Variants in KLK3 observed in about 807,000 individuals in gnomAD.
The protein encoded by KLK3 is prostate-specific antigen.
A neutral mutation model predicts 27.7 loss-of-function variants in KLK3; 23 were observed. The ratio of observed to expected loss-of-function variants is 0.83; its 90% CI spans 0.60 to 1.17. KLK3 has a LOEUF of 1.17. KLK3 is among the 50% of genes most tolerant of loss of function. KLK3 has a pLI of 0.00. For synonymous variants in KLK3, 142 were observed against 134.2 expected (o/e 1.06, Z -0.40); for missense variants, 322 against 338.1 (o/e 0.95, Z 0.37).
chr19:50,858,314 G>T lies in KLK3; in HGVS notation c.492G>T (p.Glu164Asp), dbSNP rs763023030. The T allele has an allele frequency of 6.2e-7, 1 of 1,611,664 alleles. No individual in the cohort carries two copies. Among genetic ancestry groups the T allele is most frequent in the Admixed American group, 1.7e-5 (1 of 59,932 alleles). ...GCTGGGGCAGCATTGAACCAGAGGA[G>T]TGTACGCCTGGGCCAGATGGTGCAG... ...ASGWGSIEPE[E>D]FLTPKKLQCV... Residue 164 changes from glutamate (E) to aspartate (D), a missense_variant and splice_region_variant, in exon 3 of 5, where the codon GAG becomes GAT. Physicochemically the swap from Glu to Asp is conservative, Grantham distance 45. Transcript: ENST00000326003.
At chr19:50,855,199 G>A (rs561442418) in intron 1 of KLK3, 198 bp downstream of exon 1, 3 of 579,694 alleles carry the variant, frequency 5.2e-6, no homozygotes, top group South Asian at 4.3e-5. Flanking sequence ...CCAGGTCCCC[G>A]CTCCCTCCCA....
At position 50,857,899 on chromosome 19, in the gene KLK3, G is replaced by C. The variant is rs1473474692; in HGVS notation, c.207-130G>C. On this transcript the variant is annotated intron_variant, in intron 2 of 4. Transcript: ENST00000326003. Reference sequence around the variant, plus strand: ...GTTGTCTGTATTTTTGGCCTGAACTGTGTCTTCCCCAACCCTGTGTTTTTC... The same window carrying C: ...GTTGTCTGTATTTTTGGCCTGAACTCTGTCTTCCCCAACCCTGTGTTTTTC... 9.0e-6 allele frequency: 9 copies of C among 996,176 alleles called. No individual in the cohort carries two copies. In the East Asian group the frequency reaches 1.3e-4, roughly 14 times the overall value. 61.7% of individuals were successfully genotyped at this position (996,176 alleles called of 1,614,324 possible).
At chr19:50,856,027 C>G in intron 1 of KLK3, 2 of 556,922 alleles carry the variant, frequency 3.6e-6, no homozygotes, top group Non-Finnish European at 6.4e-6. Flanking sequence ...CATGAAGCCT[C>G]TCCACCAGCA....
chr19:50,857,965 C>T lies in KLK3; in HGVS notation c.207-64C>T, dbSNP rs908343727. The T allele has an allele frequency of 1.1e-5, 16 of 1,517,676 alleles. No individual in the cohort carries two copies. The Admixed American group carries it at 1.5e-4, about 14-fold the overall frequency. 94.0% of individuals were successfully genotyped at this position (1,517,676 alleles called of 1,614,324 possible). ...CTCTTTTGGAGCCTCCTCCTTGCTC[C>T]TCTGTCCCTTCTCTCTTTCCTTATC... On this transcript the variant is annotated intron_variant, in intron 2 of 4. Coordinates refer to ENST00000326003, the MANE Select transcript of KLK3 (RefSeq NM_001648.2).
chr19:50,857,183 A>AAAAAAAAAAAAAAAAAAAAG (rs1491335383), intron 2 of KLK3, among the ~76,000 whole-genome samples: 1 of 128,928 alleles, frequency 7.8e-6, no homozygotes, highest in Non-Finnish European at 1.7e-5. Context: ...AAAAAAAAAA[A>AAAAAAAAAAAAAAAAAAAAG]GAAAAGAAAA....
rs750712372 is a variant in KLK3, at chr19:50,854,989, G to A, written c.34G>A (p.Val12Met). 9.9e-6 allele frequency: 16 copies of A among 1,613,712 alleles called. No homozygotes were observed. Among genetic ancestry groups the A allele is most frequent in the South Asian group, 2.2e-5 (2 of 91,086 alleles). Reference sequence around the variant, plus strand: ...CCCGGTTGTCTTCCTCACCCTGTCCGTGACGTGGATTGGTGAGAGGGGCCA... The same window carrying A: ...CCCGGTTGTCTTCCTCACCCTGTCCATGACGTGGATTGGTGAGAGGGGCCA... ...WVPVVFLTLS[V>M]TWIGAAPLIL... Residue 12 changes from valine to methionine, a missense_variant, in exon 1 of 5, where the codon GTG becomes ATG. Coordinates refer to ENST00000326003, the MANE Select transcript of KLK3 (RefSeq NM_001648.2).
chr19:50,858,797 C>A, intron 4 of KLK3: 1 of 631,444 alleles, frequency 1.6e-6, no homozygotes, highest in South Asian at 1.9e-5. Context: ...CAGCACAACT[C>A]ATCTGTTCCT....
Position 50,858,594 on chromosome 19 carries a change from C to G in KLK3, c.629C>G (p.Ser210Trp), listed in dbSNP as rs61729813. Residue 210 changes from serine (S) to tryptophan (W), a missense_variant and splice_region_variant, in exon 4 of 5, where the codon TCG becomes TGG. Coordinates refer to ENST00000326003, the MANE Select transcript of KLK3 (RefSeq NM_001648.2). ...TGGACAGGGGGCAAAAGCACCTGCT[C>G]GGTGAGTCATCCCTACTCCCAAGAT... ...GRWTGGKSTC[S>W]GDSGGPLVCN... 0.012 allele frequency: 19,589 copies of G among 1,614,060 alleles called. 168 individuals are homozygous for G. The highest frequency in any genetic ancestry group is 0.015 in the Non-Finnish European group (17,657 of 1,179,974).
chr19:50,855,891 G>C (rs1279880016), intron 1 of KLK3: 1 of 191,048 alleles, frequency 5.2e-6, no homozygotes, highest in East Asian at 1.4e-4. Flanking sequence ...CTTGTACCAA[G>C]TTTCCCTTCT....
chr19:50,856,088 T>C (rs2090144857), intron 1 of KLK3, 152 bp from the exon 2 acceptor site: 1 of 649,978 alleles, frequency 1.5e-6, no homozygotes, highest in African/African-American at 1.8e-5. Flanking sequence ...TCCCAGCCTT[T>C]CCCAGCTCCC....
intron 2 of KLK3, 123 bp from the exon 3 acceptor site, chr19:50,857,906 C>A: frequency 9.1e-7 from 1 of 1,095,292 alleles, no homozygotes; most frequent in Non-Finnish European, 1.3e-6. Context: ...ACTGTGTCTT[C>A]CCCAACCCTG....
At chr19:50,858,736 A>C (rs2090165864) in intron 4 of KLK3, 141 bp downstream of exon 4, 15 of 857,812 alleles carry the variant, frequency 1.7e-5, no homozygotes, top group Non-Finnish European at 2.4e-5. Context: ...GTCTCATCTC[A>C]TTCCCTCCTT....
intron 4 of KLK3, chr19:50,859,600 G>A (rs2090171788): frequency 1.9e-6 from 3 of 1,613,722 alleles, no homozygotes; most frequent in Non-Finnish European, 2.5e-6. Context: ...CTAGTGCCCT[G>A]GAGAGGAGGT....
rs2090180555 is a variant in KLK3 at position 50,860,715 on chromosome 19, T to C, written c.*588T>C. On this transcript the variant is annotated 3_prime_UTR_variant, in exon 5 of 5. Transcript: ENST00000326003. ...GAAGTCCTCCAGACAACCCTCAGAT[T>C]TGATGATTTCCTAGTAGAACTCACA... 1 of 152,174 alleles carries C rather than the reference T, an allele frequency of 6.6e-6. No individual in the cohort carries two copies. The highest frequency in any genetic ancestry group is 1.5e-5 in the Non-Finnish European group (1 of 68,054). The allele number at this position is 152,174 out of a possible 1,614,324, so 9.4% of individuals were successfully genotyped here.
chr19:50,858,730 C>G, intron 4 of KLK3, 135 bp downstream of exon 4: 1 of 910,238 alleles, frequency 1.1e-6, no homozygotes. Context: ...CCCCGTGTCT[C>G]ATCTCATTCC....
Position 50,858,519 on chromosome 19 carries a change from C to T in KLK3, c.554C>T (p.Ala185Val), listed in dbSNP as rs554107787. The T allele has an allele frequency of 7.1e-5, 115 of 1,614,150 alleles. No individual in the cohort carries two copies. Among genetic ancestry groups the T allele is most frequent in the East Asian group, 5.6e-4 (25 of 44,888 alleles). ...DLHVISNDVC[A>V]QVHPQKVTKF... ...CATGTTATTTCCAATGACGTGTGTG[C>T]GCAAGTTCACCCTCAGAAGGTGACC... Residue 185 changes from alanine (A) to valine (V), a missense_variant, in exon 4 of 5, where the codon GCG becomes GTG. Physicochemically the swap from Ala to Val is moderately conservative, Grantham distance 64. Coordinates refer to ENST00000326003, the MANE Select transcript of KLK3 (RefSeq NM_001648.2).
intron 4 of KLK3, chr19:50,859,481 T>G (rs1232174845): frequency 6.7e-7 from 1 of 1,497,010 alleles, no homozygotes; most frequent in East Asian, 2.3e-5. Context: ...CCTCACAGGC[T>G]CCTGGCCCTC....
chr19:50,858,723 C>T (rs750383987), intron 4 of KLK3, 128 bp downstream of exon 4: 18 of 983,244 alleles, frequency 1.8e-5, no homozygotes, highest in Admixed American at 4.6e-5. Context: ...GCCACCTCCC[C>T]GTGTCTCATC....
At position 50,855,004 on chromosome 19, in the gene KLK3, GA is replaced by G. The variant is rs748535777; in HGVS notation, c.46+4del. ...CACCCTGTCCGTGACGTGGATTGGT[GA>G]GAGGGGCCATGGTTGGGGGGATGCA... On this transcript the variant is annotated splice_donor_region_variant and intron_variant, in intron 1 of 4. Transcript: ENST00000326003. 6 of 1,613,828 alleles carry G rather than the reference GA, an allele frequency of 3.7e-6. No individual in the cohort carries two copies. Among genetic ancestry groups the G allele is most frequent in the Non-Finnish European group, 5.1e-6 (6 of 1,179,874 alleles).
Sources: allele counts gnomAD v4.1 joint callset (sites outside exome capture counted in the v4.1 genomes callset), GRCh38; gene constraint gnomAD v4.1.1; transcripts MANE v1.5; gene names NCBI Gene and HGNC (gene_info 2026-07-23, HGNC 2026-07-21).